MYSM1: variants seen among roughly 807,000 people sequenced by gnomAD.
MYSM1 encodes deubiquitinase MYSM1.
Under a neutral mutation model 116.0 loss-of-function variants are expected in MYSM1, and 51 were observed. That is an observed-to-expected ratio of 0.44 (90% confidence interval 0.35 to 0.56). The LOEUF (loss-of-function observed/expected upper bound fraction) is 0.56. MYSM1 is among the 20% of genes least tolerant of loss of function. MYSM1 has a pLI of 0.00. For synonymous variants in MYSM1, 313 were observed against 315.2 expected (o/e 0.99, Z 0.07); for missense variants, 900 against 974.9 (o/e 0.92, Z 1.02).
intron 7 of MYSM1, among the ~76,000 whole-genome samples, chr1:58,684,200 TA>T (rs1156673105): frequency 6.6e-6 from 1 of 152,100 alleles, no homozygotes; most frequent in African/African-American, 2.4e-5. Flanking sequence ...CATGAAGAGA[TA>T]ATATCAAATT....
At position 58,681,971 on chromosome 1, in the gene MYSM1, T is replaced by C; in HGVS notation, c.1073A>G (p.His358Arg). Reference sequence around the variant, plus strand: ...GCTTTCCTCTACCATTTGGCAAGAATGAAAAAGCATTTCATTATCATTCAA... The same window carrying C: ...GCTTTCCTCTACCATTTGGCAAGAACGAAAAAGCATTTCATTATCATTCAA... ...KNLNDNEMLF[H>R]SCQMVEESHE... Residue 358 changes from histidine to arginine, a missense_variant, in exon 8 of 20, where the codon CAT (histidine) becomes CGT (arginine). Transcript: ENST00000472487. The C allele has an allele frequency of 6.2e-7, 1 of 1,614,118 alleles. No individual in the cohort carries two copies. Among genetic ancestry groups the C allele is most frequent in the Non-Finnish European group, 8.5e-7 (1 of 1,180,016 alleles).
At chr1:58,668,586 G>A (rs761432789) in intron 14 of MYSM1, 46 bp downstream of exon 14, 1 of 1,555,926 alleles carries the variant, frequency 6.4e-7, no homozygotes, top group Non-Finnish European at 8.7e-7. Context: ...AAATACACAA[G>A]AGTAGAAATC....
At chr1:58,672,634 T>A (rs1644580602) in intron 11 of MYSM1, among the ~76,000 whole-genome samples, 1 of 152,112 alleles carries the variant, frequency 6.6e-6, no homozygotes, top group Non-Finnish European at 1.5e-5. Flanking sequence ...CTATGCACCT[T>A]TTCCAGAATA....
chr1:58,693,718 G>A (rs773425596), intron 2 of MYSM1, among the ~76,000 whole-genome samples: 5 of 152,000 alleles, frequency 3.3e-5, no homozygotes, highest in Non-Finnish European at 5.9e-5. Context: ...TTCCATTACC[G>A]TGAATGTTTC....
At position 58,676,994 on chromosome 1, in the gene MYSM1, C is replaced by T; in HGVS notation, c.1322G>A (p.Gly441Glu). 1.2e-6 allele frequency: 2 copies of T among 1,612,446 alleles called. No homozygotes were observed. Among genetic ancestry groups the T allele is most frequent in the Non-Finnish European group, 1.7e-6 (2 of 1,179,184 alleles). Residue 441 changes from glycine to glutamate, a missense_variant, in exon 9 of 20, where the codon GGA becomes GAA. By Grantham distance (98) the Gly-to-Glu change is moderately conservative. Transcript: ENST00000472487. ...AATCCGTCCAATACAATTAACATCTCCACAGTTCTTCAGGCCAGGACGTAC... is the reference window on the plus strand; with the variant it reads ...AATCCGTCCAATACAATTAACATCTTCACAGTTCTTCAGGCCAGGACGTAC... ...TSVRPGLKNC[G>E]DVNCIGRIHT... is the part of the protein sequence containing the mutation.
intron 11 of MYSM1, 116 bp from the exon 12 acceptor site, chr1:58,672,074 T>C (rs1189440180): frequency 5.5e-6 from 4 of 727,158 alleles, no homozygotes; most frequent in Non-Finnish European, 6.7e-6. Context: ...TAAATTGATA[T>C]AGATGGGCTT....
At chr1:58,691,045 C>T (rs947779408) in intron 3 of MYSM1, among the ~76,000 whole-genome samples, 8 of 151,896 alleles carry the variant, frequency 5.3e-5, no homozygotes, top group East Asian at 3.9e-4. Context: ...TTTGGAAGGC[C>T]GAGGCAGGCG....
Position 58,681,822 on chromosome 1 carries a change from G to A in MYSM1, c.1222C>T (p.Arg408Cys), listed in dbSNP as rs747437450. 8.7e-6 allele frequency: 14 copies of A among 1,601,858 alleles called. No homozygotes were observed. The highest frequency in any genetic ancestry group is 4.5e-5 in the East Asian group (2 of 44,828). The stretch of plus-strand genomic sequence containing the variant: ...ATATAATTTCTAATTTTCAAATAGC[G>A]TTCTGGTGTTTTAGCTTGGCGCCCC... ...FEGRQAKTPE[R>C]YLKIRNYILD... The change falls in exon 8 of 20, where the codon CGC (arginine) becomes TGC (cysteine). Residue 408 changes from arginine to cysteine, a missense_variant. Around this residue, in one of 3 missense-constraint regions of MYSM1, gnomAD observed 622 missense variants for 623.7 expected, o/e 1.00. Coordinates refer to ENST00000472487, the MANE Select transcript of MYSM1 (RefSeq NM_001085487.3).
chr1:58,675,831 A>T (rs1644642428), intron 9 of MYSM1, among the ~76,000 whole-genome samples: 1 of 152,182 alleles, frequency 6.6e-6, no homozygotes, highest in African/African-American at 2.4e-5. Context: ...AACATGATTT[A>T]ATTTTTCTTT....
Position 58,673,571 on chromosome 1 carries a change from A to C in MYSM1, c.1572+2T>G. 2.5e-6 allele frequency: 4 copies of C among 1,613,560 alleles called. No homozygotes were observed. Among genetic ancestry groups the C allele is most frequent in the Non-Finnish European group, 3.4e-6 (4 of 1,179,526 alleles). ...ATGAGCCATTTGAAAGGTCAAAGTT[A>C]CCTCAAACGTTTGTCCTTCTAAGTC... On this transcript the variant is annotated splice_donor_variant, in intron 11 of 19. Transcript: ENST00000472487. LOFTEE classifies it high-confidence loss of function.
intron 3 of MYSM1, among the ~76,000 whole-genome samples, chr1:58,691,345 T>C (rs1372997899): frequency 6.6e-6 from 1 of 152,158 alleles, no homozygotes; most frequent in Non-Finnish European, 1.5e-5. Flanking sequence ...TGAGATATTC[T>C]TCACTTAACA....
Position 58,658,958 on chromosome 1 carries a change from A to AAACAC in MYSM1, c.*1038_*1039insGTGTT, listed in dbSNP as rs1644353850. The stretch of plus-strand genomic sequence containing the variant: ...TTTTTATCATTTTAAAGGGCTGTAA[A>AAACAC]ACACACACACACACACACACACACA... On this transcript the variant is annotated 3_prime_UTR_variant, in exon 20 of 20. Coordinates refer to ENST00000472487, the MANE Select transcript of MYSM1 (RefSeq NM_001085487.3). The AAACAC allele has an allele frequency of 7.3e-6, 1 of 137,878 alleles. No individual in the cohort carries two copies. The highest frequency in any genetic ancestry group is 2.5e-4 in the South Asian group (1 of 4,052). The allele number at this position is 137,878 out of a possible 1,614,324, so 8.5% of individuals were successfully genotyped here.
At chr1:58,690,121 A>G in intron 5 of MYSM1, 105 bp downstream of exon 5, 1 of 865,692 alleles carries the variant, frequency 1.2e-6, no homozygotes, top group Non-Finnish European at 1.7e-6. Flanking sequence ...ATCTACTTTA[A>G]GGTCAAGAGG....
intron 2 of MYSM1, 49 bp from the exon 3 acceptor site, chr1:58,692,980 ATTATC>A (rs1450367699): frequency 2.1e-6 from 3 of 1,433,854 alleles, no homozygotes; most frequent in Non-Finnish European, 2.9e-6. Flanking sequence ...GCTTTTTGAA[ATTATC>A]TTCTGTTTTG....
chr1:58,683,610 C>A (rs1255029477), intron 7 of MYSM1, among the ~76,000 whole-genome samples: 1 of 151,994 alleles, frequency 6.6e-6, no homozygotes, highest in Non-Finnish European at 1.5e-5. Flanking sequence ...GAAATAAAAT[C>A]CTTACCTACG....
At chr1:58,660,318 G>A (rs1569688648) in intron 19 of MYSM1, among the ~76,000 whole-genome samples, 163 bp from the exon 20 acceptor site, 3 of 152,138 alleles carry the variant, frequency 2.0e-5, no homozygotes, top group Admixed American at 1.3e-4. Flanking sequence ...AATAGTCACA[G>A]AGCTGGAATG....
At chr1:58,668,079 A>ATC in intron 14 of MYSM1, among the ~76,000 whole-genome samples, 158 bp from the exon 15 acceptor site, 1 of 152,318 alleles carries the variant, frequency 6.6e-6, no homozygotes, top group Admixed American at 6.5e-5. Flanking sequence ...GGATCAGTGC[A>ATC]CAGAAACTAA....
At position 58,656,247 on chromosome 1, in the gene MYSM1, G is replaced by A. The variant is rs1484446424; in HGVS notation, c.*3750C>T. On this transcript the variant is annotated 3_prime_UTR_variant, in exon 20 of 20. Coordinates refer to ENST00000472487, the MANE Select transcript of MYSM1 (RefSeq NM_001085487.3). ...ACCTCAACCCCACTCCTAGGGGCAG[G>A]GAAGGAATGGTATGGACAGAAGACT... is the stretch of plus-strand genomic sequence containing the variant. 6.6e-6 allele frequency: 1 copy of A among 152,248 alleles called. No individual in the cohort carries two copies. The highest frequency in any genetic ancestry group is 6.5e-5 in the Admixed American group (1 of 15,282). 9.4% of individuals were successfully genotyped at this position (152,248 alleles called of 1,614,324 possible). A position where few individuals can be genotyped will look rare whatever the true frequency, so the allele number is the denominator to read the frequency against.
chr1:58,690,568 ATCAAGCTTGTCCAATCC>A (rs143035391), intron 3 of MYSM1, 151 bp from the exon 4 acceptor site: 5,443 of 541,700 alleles, frequency 0.01, 216 homozygotes, highest in African/African-American at 0.089. Context: ...CCATGTTTAA[ATCAAGCTTGTCCAATCC>A]TCTGCCTGCA....
Sources: gnomAD v4.1 joint callset for allele counts (sites outside exome capture counted in the v4.1 genomes callset) on GRCh38, gnomAD v4.1.1 for gene constraint, gnomAD v4.1.1 regional missense constraint, MANE v1.5 for transcripts, NCBI Gene and HGNC (gene_info 2026-07-23, HGNC 2026-07-21) for gene names.